Variants in ELMO1 observed in about 807,000 individuals in gnomAD.
ELMO1 encodes engulfment and cell motility 1, also known as engulfment and cell motility protein 1.
Under a neutral mutation model 98.9 loss-of-function variants are expected in ELMO1, and 26 were observed. The ratio of observed to expected loss-of-function variants is 0.26; its 90% CI spans 0.19 to 0.36. The LOEUF is 0.36. ELMO1 is among the 10% of genes least tolerant of loss of function. ELMO1 has a pLI of 1.00. For missense variants in ELMO1, 627 were observed against 935.2 expected (o/e 0.67, Z 4.30); for synonymous variants, 346 against 346.0 (o/e 1.00, Z 0.00).
intron 13 of ELMO1, among the ~76,000 whole-genome samples, chr7:37,207,229 T>C (rs1307431699): frequency 6.6e-6 from 1 of 152,208 alleles, no homozygotes; most frequent in African/African-American, 2.4e-5. Flanking sequence ...GGAATCCATA[T>C]GCCCTTCCTT....
intron 19 of ELMO1, among the ~76,000 whole-genome samples, chr7:36,875,778 G>GCTAATTTGTGGTTACAAATT (rs1803909013): frequency 6.6e-6 from 1 of 152,100 alleles, no homozygotes; most frequent in Admixed American, 6.5e-5. Context: ...TTAGCTTGTG[G>GCTAATTTGTGGTTACAAATT]GCAAGACCAG....
At chr7:37,083,872 T>C (rs1388311749) in intron 15 of ELMO1, among the ~76,000 whole-genome samples, 1 of 152,176 alleles carries the variant, frequency 6.6e-6, no homozygotes, top group Non-Finnish European at 1.5e-5. Flanking sequence ...GGAAAAGTGC[T>C]GTTTACTGGC....
intron 13 of ELMO1, among the ~76,000 whole-genome samples, chr7:37,182,362 C>A (rs1790920883): frequency 6.6e-6 from 1 of 151,612 alleles, no homozygotes; most frequent in Non-Finnish European, 1.5e-5. Flanking sequence ...GCTCTTGAGG[C>A]AGGGAGAGAA....
intron 14 of ELMO1, among the ~76,000 whole-genome samples, chr7:37,130,123 CCT>C (rs1274576802): frequency 1.3e-5 from 2 of 152,150 alleles, no homozygotes; most frequent in African/African-American, 4.8e-5. Context: ...TGGTGACTTT[CCT>C]CTGTGTTCCC....
intron 16 of ELMO1, among the ~76,000 whole-genome samples, chr7:36,905,717 G>T (rs1783913970): frequency 6.6e-6 from 1 of 151,968 alleles, no homozygotes; most frequent in African/African-American, 2.4e-5. Context: ...ATGAATATTG[G>T]GTTTTACCCA....
At chr7:37,187,593 C>T (rs1016070572) in intron 13 of ELMO1, among the ~76,000 whole-genome samples, 1 of 152,080 alleles carries the variant, frequency 6.6e-6, no homozygotes, top group Non-Finnish European at 1.5e-5. Context: ...CATTTAATAA[C>T]TTTGTTTACT....
At chr7:37,391,002 T>C (rs71544482) in intron 1 of ELMO1, among the ~76,000 whole-genome samples, 1,787 of 148,646 alleles carry the variant, frequency 0.012, 18 homozygotes, top group Middle Eastern at 0.073. Flanking sequence ...TCTGGGAAAG[T>C]AGTCCCTTCC....
intron 18 of ELMO1, among the ~76,000 whole-genome samples, chr7:36,886,946 G>A (rs1459069592): frequency 6.6e-6 from 1 of 152,150 alleles, no homozygotes; most frequent in Admixed American, 6.5e-5. Context: ...AGCAGTGTGG[G>A]AGATTTGACA....
chr7:37,196,267 G>C (rs554059401), intron 13 of ELMO1, among the ~76,000 whole-genome samples: 3 of 152,204 alleles, frequency 2.0e-5, no homozygotes, highest in Non-Finnish European at 2.9e-5. Context: ...AGGCTGAGGT[G>C]GGGGAGGACT....
chr7:37,260,785 G>A (rs980874736), intron 5 of ELMO1, among the ~76,000 whole-genome samples: 3 of 151,962 alleles, frequency 2.0e-5, no homozygotes, highest in Admixed American at 1.3e-4. Context: ...GGAGGAAAAC[G>A]AGAGCCCTCC....
intron 1 of ELMO1, among the ~76,000 whole-genome samples, chr7:37,433,894 G>A (rs1168029126): frequency 6.6e-6 from 1 of 152,048 alleles, no homozygotes; most frequent in African/African-American, 2.4e-5. Flanking sequence ...TCCTCATCAG[G>A]CCAGGCTAAC....
chr7:37,238,530 T>A (rs529223879), intron 7 of ELMO1, among the ~76,000 whole-genome samples: 92 of 152,330 alleles, frequency 6.0e-4, no homozygotes, highest in South Asian at 1.9e-3. Flanking sequence ...TCCTTTCTTA[T>A]ATTATGCTTT....
chr7:37,274,394 A>C (rs1796720148), intron 4 of ELMO1, among the ~76,000 whole-genome samples: 1 of 152,232 alleles, frequency 6.6e-6, no homozygotes, highest in South Asian at 2.1e-4. Context: ...GTGAGCCAGC[A>C]GACGTGCTGA....
intron 16 of ELMO1, among the ~76,000 whole-genome samples, chr7:36,916,995 G>GA (rs1215033006): frequency 1.3e-5 from 2 of 152,240 alleles, no homozygotes; most frequent in African/African-American, 2.4e-5. Flanking sequence ...TACTTTGCAA[G>GA]AATTTAGGGG....
chr7:36,951,980 C>T (rs967523786), intron 16 of ELMO1, among the ~76,000 whole-genome samples: 1 of 152,142 alleles, frequency 6.6e-6, no homozygotes, highest in African/African-American at 2.4e-5. Flanking sequence ...AGTCAAAGAC[C>T]TCTATGTGGA....
intron 16 of ELMO1, among the ~76,000 whole-genome samples, chr7:36,927,135 G>A (rs1785641870): frequency 6.6e-6 from 1 of 152,078 alleles, no homozygotes; most frequent in Non-Finnish European, 1.5e-5. Context: ...AACAACCCTA[G>A]GAGTAGATAA....
At position 36,855,187 on chromosome 7, in the gene ELMO1, T is replaced by C; in HGVS notation, c.*364A>G. On this transcript the variant is annotated 3_prime_UTR_variant, in exon 22 of 22. Coordinates refer to ENST00000310758, the MANE Select transcript of ELMO1 (RefSeq NM_014800.11). This position sits in a 1 kb window ranked among gnomAD's most constrained non-coding sequence, Gnocchi z 4.2. ...CTGCCCTTGGTCTGGTGGGCAAGTTTTTGGGCAGTCTGGGGCTGCTGGCTT... is the reference window on the plus strand; with the variant it reads ...CTGCCCTTGGTCTGGTGGGCAAGTTCTTGGGCAGTCTGGGGCTGCTGGCTT... 3.5e-6 allele frequency: 1 copy of C among 282,054 alleles called. No individual in the cohort carries two copies. Among genetic ancestry groups the C allele is most frequent in the Admixed American group, 4.9e-5 (1 of 20,432 alleles). The allele number at this position is 282,054 out of a possible 1,614,324, so 17.5% of individuals were successfully genotyped here.
chr7:37,279,717 G>A (rs1053223079), intron 4 of ELMO1, among the ~76,000 whole-genome samples: 10 of 152,190 alleles, frequency 6.6e-5, no homozygotes, highest in African/African-American at 1.9e-4. Context: ...ATTACCACCT[G>A]GCACCACAGG....
intron 15 of ELMO1, among the ~76,000 whole-genome samples, chr7:37,079,103 G>C (rs1173320887): frequency 6.6e-6 from 1 of 152,130 alleles, no homozygotes; most frequent in Non-Finnish European, 1.5e-5. Context: ...TTATTAAGAT[G>C]TGTGTAAAGA....
Sources: allele counts gnomAD v4.1 joint callset (sites outside exome capture counted in the v4.1 genomes callset), GRCh38; gene constraint gnomAD v4.1.1; non-coding constraint Gnocchi (gnomAD v3.1); transcripts MANE v1.5; gene names NCBI Gene and HGNC (gene_info 2026-07-23, HGNC 2026-07-21).